The following VWA8 variants were observed in gnomAD, a reference collection of about 807,000 sequenced individuals.
VWA8 encodes the protein von Willebrand factor A domain containing 8.
In VWA8, 221 loss-of-function variants were observed where a neutral mutation model predicts 241.5. That is an observed-to-expected ratio of 0.91 (90% CI 0.82 to 1.02). The LOEUF (loss-of-function observed/expected upper bound fraction) is 1.02, where lower values mean the gene tolerates loss of function less well. Among genes scored for constraint, VWA8 ranks in the 50% least tolerant of loss-of-function variants. VWA8 has a pLI of 0.00. For missense variants in VWA8, 2,322 were observed against 2,328.7 expected, an observed-to-expected ratio of 1.00 and a Z score of 0.06; for synonymous variants, 852 against 827.1, an observed-to-expected ratio of 1.03 and a Z score of -0.52.
intron 2 of VWA8, among the ~76,000 whole-genome samples, chr13:41,942,116 T>C (rs968467616): frequency 6.6e-6 from 1 of 152,188 alleles, no homozygotes; most frequent in East Asian, 1.9e-4. Context: ...ATACATCTAT[T>C]TTGTTAATTT....
chr13:41,727,268 G>C lies in VWA8; in HGVS notation c.2684C>G (p.Pro895Arg). 1.3e-6 allele frequency: 2 copies of C among 1,559,296 alleles called. No individual in the cohort carries two copies. The highest frequency in any genetic ancestry group is 1.7e-6 in the Non-Finnish European group (2 of 1,150,912). The stretch of plus-strand genomic sequence containing the variant: ...TGCCAGAACAATCATCCTAAAATCA[G>C]GATGAATCACTACAACATTTTCTCT... ...NGRENVVVIH[P>R]DFRMIVLANR... The change falls in exon 24 of 45, where the codon CCT (proline) becomes CGT (arginine). Residue 895 changes from proline to arginine, a missense_variant. By Grantham distance (103) the Pro-to-Arg change is moderately radical. Coordinates refer to ENST00000379310, the MANE Select transcript of VWA8 (RefSeq NM_015058.2).
At position 41,819,312 on chromosome 13, in the gene VWA8, T is replaced by C. The variant is rs1221502472; in HGVS notation, c.1775A>G (p.His592Arg). ...AEPPVIGSTA[H>R]QWLGPEFLTM... is the part of the protein sequence containing the mutation. The stretch of plus-strand genomic sequence containing the variant: ...TAAGAATTCTGGTCCCAGCCACTGG[T>C]GTGCTGTGCTTCCAATAACAGGGGG... Residue 592 changes from histidine to arginine, a missense_variant, in exon 15 of 45, where the codon CAC (histidine) becomes CGC (arginine). By Grantham distance (29) the His-to-Arg change is conservative. Transcript: ENST00000379310. The C allele has an allele frequency of 6.8e-6, 11 of 1,613,298 alleles. No homozygotes were observed. The highest frequency in any genetic ancestry group is 4.0e-5 in the African/African-American group (3 of 74,882).
chr13:41,847,491 G>T (rs1872340722), intron 12 of VWA8, among the ~76,000 whole-genome samples: 1 of 152,200 alleles, frequency 6.6e-6, no homozygotes, highest in Admixed American at 6.5e-5. Context: ...AAAGTACCCA[G>T]TGAGACTGAA....
At chr13:41,851,684 C>T (rs1249980041) in intron 12 of VWA8, among the ~76,000 whole-genome samples, 1 of 151,982 alleles carries the variant, frequency 6.6e-6, no homozygotes, top group Non-Finnish European at 1.5e-5. Flanking sequence ...TCATGTGGAA[C>T]TATAAGTTCA....
At chr13:41,789,240 C>T (rs1869344270) in intron 17 of VWA8, among the ~76,000 whole-genome samples, 1 of 152,072 alleles carries the variant, frequency 6.6e-6, no homozygotes, top group Admixed American at 6.6e-5. Context: ...TTTCCTTTCC[C>T]ATTGCTCACT....
chr13:41,884,205 C>T (rs1874400160), intron 8 of VWA8, among the ~76,000 whole-genome samples: 2 of 152,152 alleles, frequency 1.3e-5, no homozygotes, highest in South Asian at 4.1e-4. Flanking sequence ...TGAATTGTAG[C>T]TCCCACAATC....
chr13:41,784,330 G>C (rs1289857579), intron 18 of VWA8, among the ~76,000 whole-genome samples: 3 of 151,970 alleles, frequency 2.0e-5, no homozygotes, highest in Non-Finnish European at 1.5e-5. Context: ...TATAGCTCTA[G>C]TCAAAAATAC....
chr13:41,806,030 A>C (rs538000154), intron 17 of VWA8, among the ~76,000 whole-genome samples: 9 of 151,530 alleles, frequency 5.9e-5, no homozygotes, highest in African/African-American at 1.9e-4. Flanking sequence ...AATGATGTCA[A>C]GTATCTTCTG....
chr13:41,720,855 C>T (rs1333143086), intron 25 of VWA8, among the ~76,000 whole-genome samples: 1 of 151,982 alleles, frequency 6.6e-6, no homozygotes, highest in Non-Finnish European at 1.5e-5. Context: ...TGTTTGTTTT[C>T]TTTACTAAGG....
chr13:41,922,519 T>G (rs1876597685), intron 2 of VWA8, among the ~76,000 whole-genome samples: 1 of 152,030 alleles, frequency 6.6e-6, no homozygotes, highest in African/African-American at 2.4e-5. Context: ...GGGAGAAAAT[T>G]TTTACAATCT....
chr13:41,915,922 C>T (rs1008892963), intron 2 of VWA8, among the ~76,000 whole-genome samples: 1 of 152,242 alleles, frequency 6.6e-6, no homozygotes, highest in African/African-American at 2.4e-5. Context: ...CTATCAGGTA[C>T]CAGGTAAACA....
intron 27 of VWA8, among the ~76,000 whole-genome samples, chr13:41,702,489 C>T (rs1366745123): frequency 6.6e-6 from 1 of 152,232 alleles, no homozygotes; most frequent in Non-Finnish European, 1.5e-5. Context: ...AGTTGGATTA[C>T]CACATGTCTG....
At chr13:41,607,223 A>G (rs1368506312) in intron 39 of VWA8, among the ~76,000 whole-genome samples, 3 of 152,224 alleles carry the variant, frequency 2.0e-5, no homozygotes, top group African/African-American at 4.8e-5. Flanking sequence ...GTGGCACTCA[A>G]TAAGTGCTGC....
intron 2 of VWA8, among the ~76,000 whole-genome samples, chr13:41,913,117 T>A (rs899806745): frequency 3.3e-5 from 5 of 152,068 alleles, no homozygotes; most frequent in African/African-American, 1.2e-4. Context: ...CTTAAAGGTA[T>A]AATATTGAGT....
intron 26 of VWA8, among the ~76,000 whole-genome samples, chr13:41,714,039 G>C (rs2045334146): frequency 6.6e-6 from 1 of 151,998 alleles, no homozygotes; most frequent in African/African-American, 2.4e-5. Context: ...TACAGTCACA[G>C]GAAAAAGTCT....
intron 40 of VWA8, among the ~76,000 whole-genome samples, chr13:41,601,481 A>C (rs1352188941): frequency 2.0e-5 from 3 of 152,172 alleles, no homozygotes; most frequent in Non-Finnish European, 4.4e-5. Context: ...CAATCAGAGA[A>C]AGGTTAATTT....
intron 1 of VWA8, among the ~76,000 whole-genome samples, chr13:41,956,881 CAAT>C (rs1262517561): frequency 6.6e-6 from 1 of 152,026 alleles, no homozygotes; most frequent in Non-Finnish European, 1.5e-5. Flanking sequence ...AATATGTTCA[CAAT>C]AATGGATGTA....
At chr13:41,937,671 T>C (rs1389002502) in intron 2 of VWA8, among the ~76,000 whole-genome samples, 1 of 152,148 alleles carries the variant, frequency 6.6e-6, no homozygotes, top group Non-Finnish European at 1.5e-5. Context: ...TAGGTTTGTG[T>C]AAGTACACAC....
At chr13:41,730,946 G>A (rs1419990339) in intron 22 of VWA8, among the ~76,000 whole-genome samples, 2 of 150,714 alleles carry the variant, frequency 1.3e-5, no homozygotes, top group African/African-American at 4.9e-5. Flanking sequence ...CACCAGCATG[G>A]CACATGTATA....
Sources: gnomAD v4.1 joint callset for allele counts (sites outside exome capture counted in the v4.1 genomes callset) on GRCh38, gnomAD v4.1.1 for gene constraint, MANE v1.5 for transcripts, NCBI Gene and HGNC (gene_info 2026-07-23, HGNC 2026-07-21) for gene names.